TECPR1: variants seen among roughly 807,000 people sequenced by gnomAD.
TECPR1 encodes tectonin beta-propeller repeat containing 1, also known as tectonin beta-propeller repeat-containing protein 1.
Under a neutral mutation model 162.4 loss-of-function variants are expected in TECPR1, and 122 were observed. That is an observed-to-expected ratio of 0.75 (90% CI 0.65 to 0.87). The LOEUF is 0.87. Ranked by LOEUF, TECPR1 falls within the 40% of genes least tolerant of loss-of-function variation. The pLI, the probability that TECPR1 is intolerant of heterozygous loss-of-function variation, is 0.00. For synonymous variants in TECPR1, 642 were observed against 670.6 expected (o/e 0.96, Z 0.66); for missense variants, 1,432 against 1,618.2 (o/e 0.88, Z 1.97).
chr7:98,220,447 T>C (rs1798113540), intron 23 of TECPR1, among the ~76,000 whole-genome samples: 1 of 152,116 alleles, frequency 6.6e-6, no homozygotes, highest in Non-Finnish European at 1.5e-5. Context: ...CAGGCTGGAG[T>C]GCAGTGGCAT....
chr7:98,222,470 T>A lies in TECPR1; in HGVS notation c.2980A>T (p.Ile994Phe). 1.3e-6 allele frequency: 2 copies of A among 1,595,414 alleles called. No individual in the cohort carries two copies. Among genetic ancestry groups the A allele is most frequent in the East Asian group, 2.3e-5 (1 of 44,034 alleles). The part of the protein sequence containing the change: ...GTDQPFASIS[I>F]GACYQVWAVA... Reference sequence around the variant, plus strand: ...GCCCACACCTGGTAGCAGGCCCCGATGGAGATGGAGGCGAAGGGCTGGTCG... The same window carrying A: ...GCCCACACCTGGTAGCAGGCCCCGAAGGAGATGGAGGCGAAGGGCTGGTCG... Residue 994 changes from isoleucine to phenylalanine, a missense_variant, in exon 22 of 26, where the codon ATC (isoleucine) becomes TTC (phenylalanine). Ile to Phe is a conservative substitution (Grantham distance 21). Coordinates refer to ENST00000447648, the MANE Select transcript of TECPR1 (RefSeq NM_015395.3).
At chr7:98,246,487 G>GA (rs1274991765) in intron 2 of TECPR1, among the ~76,000 whole-genome samples, 3 of 151,984 alleles carry the variant, frequency 2.0e-5, no homozygotes. Context: ...GGCTGGTATC[G>GA]ATCTCCTGAC....
chr7:98,229,688 G>C (rs1055380420), intron 15 of TECPR1, among the ~76,000 whole-genome samples: 14 of 152,186 alleles, frequency 9.2e-5, no homozygotes, highest in African/African-American at 3.4e-4. Flanking sequence ...GCAGGCTGCG[G>C]CTGGTGCAGG....
rs1464944034 is a variant in TECPR1 at position 98,241,687 on chromosome 7, G to C, written c.658-443C>G. 6.6e-6 allele frequency among the ~76,000 whole-genome samples: 1 copy of C among 152,192 alleles called. No individual in the cohort carries two copies. Among genetic ancestry groups the C allele is most frequent in the Non-Finnish European group, 1.5e-5 (1 of 68,026 alleles). On this transcript the variant is annotated intron_variant, in intron 6 of 25. Coordinates refer to ENST00000447648, the MANE Select transcript of TECPR1 (RefSeq NM_015395.3). The surrounding 1 kb of genome is among the most constrained non-coding windows in gnomAD (Gnocchi z 5.0). The stretch of plus-strand genomic sequence containing the variant: ...TGGGAGCAACGTGCTCAGAGCGTCT[G>C]AACTGTTTGGCTCATTTTAGCTGGG...
At chr7:98,231,694 C>A (rs1376444309) in intron 13 of TECPR1, 110 bp downstream of exon 13, 15 of 1,373,684 alleles carry the variant, frequency 1.1e-5, no homozygotes, top group African/African-American at 1.5e-5. Context: ...TCCCTGGGCA[C>A]CCTCATTTCT....
Position 98,241,362 on chromosome 7 carries a change from C to G in TECPR1, c.658-118G>C. On this transcript the variant is annotated intron_variant, in intron 6 of 25. Transcript: ENST00000447648. The surrounding 1 kb of genome is among the most constrained non-coding windows in gnomAD (Gnocchi z 5.0). ...TCCCCTGACCGTCCAGATCTCACTC[C>G]CTGCCCCCTACCCCGGCCAAAAAAC... is the stretch of plus-strand genomic sequence containing the variant. 1.5e-6 allele frequency: 2 copies of G among 1,298,512 alleles called. No homozygotes were observed. 80.4% of individuals were successfully genotyped at this position (1,298,512 alleles called of 1,614,324 possible). A position where few individuals can be genotyped will look rare whatever the true frequency, so the allele number is the denominator to read the frequency against.
intron 21 of TECPR1, 105 bp from the exon 22 acceptor site, chr7:98,222,626 G>A: frequency 7.2e-7 from 1 of 1,382,630 alleles, no homozygotes; most frequent in South Asian, 1.4e-5. Flanking sequence ...AGCATAGGTG[G>A]CTGGGGGACA....
At chr7:98,220,627 C>T (rs140737502) in intron 23 of TECPR1, among the ~76,000 whole-genome samples, 5 of 151,724 alleles carry the variant, frequency 3.3e-5, no homozygotes, top group East Asian at 2.0e-4. Context: ...GACGCAATCT[C>T]GGCTCACTGC....
rs567505925 is a variant in TECPR1, at chr7:98,224,001, G to A, written c.2691-283C>T. Among the ~76,000 whole-genome samples the A allele has an allele frequency of 7.2e-5, 11 of 152,170 alleles. No individual in the cohort carries two copies. The East Asian group carries it at 1.4e-3, about 19-fold the overall frequency. On this transcript the variant is annotated intron_variant, in intron 19 of 25. Coordinates refer to ENST00000447648, the MANE Select transcript of TECPR1 (RefSeq NM_015395.3). ...AGGGGTCTCCCTGGGGAAGGGGGTC[G>A]GGCCTCCCTGGGGCTGGAGCGGAGC...
chr7:98,245,715 C>T (rs964251096), intron 3 of TECPR1, among the ~76,000 whole-genome samples: 4 of 152,204 alleles, frequency 2.6e-5, no homozygotes, highest in African/African-American at 9.6e-5. Flanking sequence ...CTCAAGCGAT[C>T]TGCCCGCCAC....
chr7:98,225,652 C>T (rs1798264460), intron 17 of TECPR1, among the ~76,000 whole-genome samples: 2 of 152,034 alleles, frequency 1.3e-5, no homozygotes, highest in Non-Finnish European at 2.9e-5. Context: ...CACTCGTTCT[C>T]TTTTCTTTCT....
chr7:98,249,155 G>A (rs1231144275), intron 2 of TECPR1, among the ~76,000 whole-genome samples: 1 of 152,112 alleles, frequency 6.6e-6, no homozygotes, highest in Non-Finnish European at 1.5e-5. Context: ...ACGATTACAG[G>A]CAGGAGCCCC....
chr7:98,233,821 C>G lies in TECPR1; in HGVS notation c.1272G>C (p.Gly424=), dbSNP rs1798521026. 1 of 1,602,118 alleles carries G rather than the reference C, an allele frequency of 6.2e-7. No homozygotes were observed. The highest frequency in any genetic ancestry group is 1.7e-5 in the Admixed American group (1 of 58,142). Reference sequence around the variant, plus strand: ...GTTCTGCAGGGAGAATCTGGCCAGGCCCTGGTCTCTCGACTTCCGAGGAGG... The same window carrying G: ...GTTCTGCAGGGAGAATCTGGCCAGGGCCTGGTCTCTCGACTTCCGAGGAGG... ...TDASSEVERP[G]PGQILPAEPL... Residue 424 remains glycine (G), a synonymous_variant, in exon 11 of 26, where the codon GGG becomes GGC. Coordinates refer to ENST00000447648, the MANE Select transcript of TECPR1 (RefSeq NM_015395.3).
At position 98,233,758 on chromosome 7, in the gene TECPR1, G is replaced by A. The variant is rs1798518946; in HGVS notation, c.1335C>T (p.Ala445=). The A allele has an allele frequency of 1.9e-6, 3 of 1,612,602 alleles. No homozygotes were observed. The highest frequency in any genetic ancestry group is 2.5e-6 in the Non-Finnish European group (3 of 1,179,820). ...CGGTCCTGCCAGCCCCCAGGCCTGA[G>A]GCTGAGTTCCCTGTGGCATTCTTGG... ...DDSKNATGNS[A]SGLGAGRTAE... is the part of the protein sequence containing the mutation. Residue 445 remains alanine, a synonymous_variant, in exon 11 of 26, where the codon GCC becomes GCT. Coordinates refer to ENST00000447648, the MANE Select transcript of TECPR1 (RefSeq NM_015395.3).
chr7:98,241,407 G>T lies in TECPR1; in HGVS notation c.658-163C>A. The T allele has an allele frequency of 1.3e-6, 1 of 779,122 alleles. No individual in the cohort carries two copies. Among genetic ancestry groups the T allele is most frequent in the Non-Finnish European group, 2.0e-6 (1 of 491,032 alleles). 48.3% of individuals were successfully genotyped at this position (779,122 alleles called of 1,614,324 possible). On this transcript the variant is annotated intron_variant, in intron 6 of 25. Transcript: ENST00000447648. This position sits in a 1 kb window ranked among gnomAD's most constrained non-coding sequence, Gnocchi z 5.0. ...AAAAACGCAAACCCTGGATTCCGGT[G>T]GTCCTGAGGGATACACTTGTTCCAT...
intron 9 of TECPR1, 136 bp from the exon 10 acceptor site, chr7:98,237,057 G>A: frequency 1.0e-6 from 1 of 986,656 alleles, no homozygotes; most frequent in East Asian, 3.0e-5. Context: ...TGCTGGGGCT[G>A]TGTGGTGGGC....
At chr7:98,223,387 G>A (rs558686620) in intron 20 of TECPR1, among the ~76,000 whole-genome samples, 28 of 135,352 alleles carry the variant, frequency 2.1e-4, no homozygotes, top group Admixed American at 6.9e-4. Context: ...TCTCTGTCCC[G>A]CTCACAGGTG....
intron 15 of TECPR1, among the ~76,000 whole-genome samples, chr7:98,230,661 G>A (rs1798407141): frequency 6.6e-6 from 1 of 152,088 alleles, no homozygotes; most frequent in Non-Finnish European, 1.5e-5. Context: ...CTACAGCCTG[G>A]AAGCCCCCTG....
chr7:98,245,859 T>A, intron 3 of TECPR1, 63 bp downstream of exon 3: 1 of 1,438,770 alleles, frequency 7.0e-7, no homozygotes, highest in South Asian at 1.2e-5. Context: ...CTGTGGTTCA[T>A]CATTTTAACC....
Sources: gnomAD v4.1 joint callset for allele counts (sites outside exome capture counted in the v4.1 genomes callset) on GRCh38, gnomAD v4.1.1 for gene constraint, Gnocchi (gnomAD v3.1) non-coding constraint, MANE v1.5 for transcripts, NCBI Gene and HGNC (gene_info 2026-07-23, HGNC 2026-07-21) for gene names.